F13A1: variants seen among roughly 807,000 people sequenced by gnomAD.
F13A1 encodes FSF, A subunit.
A neutral mutation model predicts 80.1 loss-of-function variants in F13A1; 47 were observed. That is an observed-to-expected ratio of 0.59 (90% CI 0.46 to 0.75). The LOEUF (loss-of-function observed/expected upper bound fraction) is 0.75. Among genes scored for constraint, F13A1 ranks in the 30% least tolerant of loss-of-function variants. The pLI is 0.00. For synonymous variants in F13A1, 349 were observed against 344.9 expected (o/e 1.01, Z -0.13); for missense variants, 817 against 930.4 (o/e 0.88, Z 1.59).
At chr6:6,271,628 C>A (rs1436940422) in intron 3 of F13A1, among the ~76,000 whole-genome samples, 3 of 152,206 alleles carry the variant, frequency 2.0e-5, no homozygotes, top group Admixed American at 6.5e-5. Flanking sequence ...TAATTGCAGC[C>A]TTTGAAATTG....
chr6:6,216,936 A>G (rs1017640274), intron 8 of F13A1, among the ~76,000 whole-genome samples: 1 of 151,230 alleles, frequency 6.6e-6, no homozygotes, highest in African/African-American at 2.4e-5. Context: ...AATGCTCACC[A>G]TCACTGGCCA....
At chr6:6,220,825 C>T (rs1757182930) in intron 8 of F13A1, among the ~76,000 whole-genome samples, 1 of 152,124 alleles carries the variant, frequency 6.6e-6, no homozygotes, top group Non-Finnish European at 1.5e-5. Context: ...TCAGCTCATT[C>T]CCTTCCAATG....
chr6:6,164,155 C>T (rs993379876), intron 13 of F13A1, among the ~76,000 whole-genome samples: 19 of 151,846 alleles, frequency 1.3e-4, no homozygotes, highest in African/African-American at 4.6e-4. Context: ...GGGCAAGGGA[C>T]ATGAACATAG....
intron 8 of F13A1, among the ~76,000 whole-genome samples, chr6:6,216,900 T>G (rs1583076780): frequency 4.7e-5 from 7 of 150,192 alleles, no homozygotes. Flanking sequence ...AAGAAGACAT[T>G]TATGCAGCCA....
At chr6:6,286,241 C>A (rs1259355068) in intron 3 of F13A1, among the ~76,000 whole-genome samples, 1 of 152,128 alleles carries the variant, frequency 6.6e-6, no homozygotes, top group Non-Finnish European at 1.5e-5. Context: ...CAAAAATTAG[C>A]CGTGTGTTGT....
chr6:6,210,195 A>C (rs1761576783), intron 8 of F13A1, among the ~76,000 whole-genome samples: 1 of 151,594 alleles, frequency 6.6e-6, no homozygotes, highest in Non-Finnish European at 1.5e-5. Flanking sequence ...TTGCCATTGC[A>C]ATCCAGCTTG....
At chr6:6,152,407 A>G (rs1379359510) in intron 13 of F13A1, among the ~76,000 whole-genome samples, 1 of 152,274 alleles carries the variant, frequency 6.6e-6, no homozygotes, top group African/African-American at 2.4e-5. Context: ...CGCAAGAAAT[A>G]TGCCAAGGAT....
chr6:6,188,048 T>A (rs1218504485), intron 10 of F13A1, among the ~76,000 whole-genome samples: 3 of 151,992 alleles, frequency 2.0e-5, no homozygotes, highest in Non-Finnish European at 4.4e-5. Context: ...TACTTTGTAT[T>A]TCTGTGGGAT....
At chr6:6,227,161 C>G (rs564247619) in intron 6 of F13A1, among the ~76,000 whole-genome samples, 333 of 152,326 alleles carry the variant, frequency 2.2e-3, no homozygotes, top group Non-Finnish European at 3.2e-3. Flanking sequence ...AATGACAAAG[C>G]CTTCACTGAA....
intron 8 of F13A1, among the ~76,000 whole-genome samples, chr6:6,205,665 T>C (rs1583070820): frequency 6.6e-6 from 1 of 152,310 alleles, no homozygotes; most frequent in East Asian, 1.9e-4. Context: ...TCCAGCTTTC[T>C]TTTTTTCTTC....
intron 4 of F13A1, among the ~76,000 whole-genome samples, chr6:6,264,392 A>G (rs1043098855): frequency 6.6e-6 from 1 of 152,244 alleles, no homozygotes; most frequent in African/African-American, 2.4e-5. Context: ...AAGAAAGTCA[A>G]TAACAAACTC....
At chr6:6,169,033 G>A (rs922618139) in intron 12 of F13A1, among the ~76,000 whole-genome samples, 1 of 152,226 alleles carries the variant, frequency 6.6e-6, no homozygotes, top group Non-Finnish European at 1.5e-5. Flanking sequence ...TGATTGAAGA[G>A]TTCTCAGTCA....
chr6:6,208,496 G>A (rs972731360), intron 8 of F13A1, among the ~76,000 whole-genome samples: 6 of 152,044 alleles, frequency 3.9e-5, no homozygotes, highest in Admixed American at 6.6e-5. Flanking sequence ...TTGAAGAAAC[G>A]ATAGCCAAAA....
chr6:6,171,595 T>G (rs979191201), intron 12 of F13A1, among the ~76,000 whole-genome samples: 1 of 152,176 alleles, frequency 6.6e-6, no homozygotes, highest in South Asian at 2.1e-4. Flanking sequence ...TCTCTAACCT[T>G]CCGCCCTACT....
intron 3 of F13A1, among the ~76,000 whole-genome samples, chr6:6,290,944 G>T (rs1472759712): frequency 6.6e-6 from 1 of 152,188 alleles, no homozygotes; most frequent in Non-Finnish European, 1.5e-5. Flanking sequence ...TCTCAATAGA[G>T]AAAGTATGTT....
chr6:6,215,365 G>T lies in F13A1; in HGVS notation c.1112+6668C>A, dbSNP rs1405563245. Reference sequence around the variant, plus strand: ...GTGGGCTTCATCCCTGGGATGCAAGGCTGGTTCAATATACGGAAATCAATA... The same window carrying T: ...GTGGGCTTCATCCCTGGGATGCAAGTCTGGTTCAATATACGGAAATCAATA... On this transcript the variant is annotated intron_variant, in intron 8 of 14. Coordinates refer to ENST00000264870, the MANE Select transcript of F13A1 (RefSeq NM_000129.4). 3.5e-4 allele frequency among the ~76,000 whole-genome samples: 33 copies of T among 95,586 alleles called. 2 individuals carry two copies. The highest frequency in any genetic ancestry group is 5.4e-4 in the Non-Finnish European group (26 of 47,912). The allele number at this position is 95,586 out of a possible 152,430, so 62.7% of individuals were successfully genotyped here.
At chr6:6,193,297 A>G (rs1157728944) in intron 10 of F13A1, among the ~76,000 whole-genome samples, 1 of 152,196 alleles carries the variant, frequency 6.6e-6, no homozygotes, top group Non-Finnish European at 1.5e-5. Flanking sequence ...GTCAATGAAC[A>G]TGATGCTTGA....
chr6:6,185,236 C>T (rs1304081788), intron 10 of F13A1, among the ~76,000 whole-genome samples: 1 of 150,324 alleles, frequency 6.7e-6, no homozygotes, highest in Non-Finnish European at 1.5e-5. Context: ...CCCACTAACT[C>T]GTCATCTAGC....
chr6:6,189,630 G>A (rs1474260262), intron 10 of F13A1, among the ~76,000 whole-genome samples: 17 of 142,048 alleles, frequency 1.2e-4, no homozygotes, highest in African/African-American at 2.5e-4. Context: ...AGGGTAACCC[G>A]ACCTTTCTCT....
Sources: gnomAD v4.1 joint callset for allele counts (sites outside exome capture counted in the v4.1 genomes callset) on GRCh38, gnomAD v4.1.1 for gene constraint, MANE v1.5 for transcripts, NCBI Gene and HGNC (gene_info 2026-07-23, HGNC 2026-07-21) for gene names.